PTCHD4: variants seen among roughly 807,000 people sequenced by gnomAD.
PTCHD4 encodes patched domain-containing protein 4.
In PTCHD4, 33 loss-of-function variants were observed where a neutral mutation model predicts 58.1. The observed-to-expected ratio is 0.57, with a 90% CI of 0.43 to 0.76. The LOEUF (loss-of-function observed/expected upper bound fraction) is 0.76, where lower values mean the gene tolerates loss of function less well. Among genes scored for constraint, PTCHD4 ranks in the 30% least tolerant of loss-of-function variants. PTCHD4 has a pLI of 0.00. For synonymous variants in PTCHD4, 478 were observed against 409.6 expected, an observed-to-expected ratio of 1.17 and a Z score of -2.02; for missense variants, 1,058 against 1,027.1, an observed-to-expected ratio of 1.03 and a Z score of -0.41.
intron 4 of PTCHD4, chr6:47,901,617 T>C (rs1429948130): frequency 1.9e-5 from 20 of 1,068,274 alleles, no homozygotes; most frequent in Non-Finnish European, 2.3e-5. Context: ...AGGTGGGAGA[T>C]AGAAAAGACA....
intron 4 of PTCHD4, among the ~76,000 whole-genome samples, chr6:47,972,245 T>C (rs897687321): frequency 1.3e-5 from 2 of 152,166 alleles, no homozygotes; most frequent in African/African-American, 4.8e-5. Flanking sequence ...TAATTGTATA[T>C]GAATTTACTG....
At chr6:48,032,289 G>A (rs947199512) in intron 3 of PTCHD4, among the ~76,000 whole-genome samples, 16 of 152,100 alleles carry the variant, frequency 1.1e-4, no homozygotes, top group African/African-American at 3.4e-4. Context: ...TAAAAAGAGT[G>A]GTGTTAGATT....
In PTCHD4 at chr6:48,069,157, G is replaced by T. The variant is rs1163670462; in HGVS notation, c.-200C>A. Among the ~76,000 whole-genome samples the T allele has an allele frequency of 7.3e-6, 1 of 136,162 alleles. No individual in the cohort carries two copies. Among genetic ancestry groups the T allele is most frequent in the East Asian group, 2.4e-4 (1 of 4,192 alleles). 89.3% of individuals were successfully genotyped at this position (136,162 alleles called of 152,430 possible). A position where few individuals can be genotyped will look rare whatever the true frequency, so the allele number is the denominator to read the frequency against. On this transcript the variant is annotated 5_prime_UTR_variant, in exon 2 of 5. Coordinates refer to ENST00000339488, the MANE Select transcript of PTCHD4 (RefSeq NM_001384253.1). Reference sequence around the variant, plus strand: ...CCCCATAAAGGGGGGGGGGGCTGAGGGGGGGAGAGGAGGGAGAAGGGCGGG... The same window carrying T: ...CCCCATAAAGGGGGGGGGGGCTGAGTGGGGGAGAGGAGGGAGAAGGGCGGG...
In PTCHD4 at chr6:47,878,907, G is replaced by A. The variant is rs1035250765; in HGVS notation, c.1928C>T (p.Ser643Phe). The A allele has an allele frequency of 2.5e-6, 4 of 1,613,552 alleles. No individual in the cohort carries two copies. The highest frequency in any genetic ancestry group is 1.3e-5 in the African/African-American group (1 of 75,016). The part of the protein sequence containing the change: ...KSIRFIVFNP[S>F]FVFMDHYSLS... ...GCTGTAATGGTCCATGAAGACAAAG[G>A]AGGGGTTGAACACGATGAATCGGAT... Residue 643 changes from serine (S) to phenylalanine (F), a missense_variant, in exon 5 of 5, where the codon TCC becomes TTC. Physicochemically the swap from Ser to Phe is radical, Grantham distance 155. Coordinates refer to ENST00000339488, the MANE Select transcript of PTCHD4 (RefSeq NM_001384253.1).
At chr6:48,055,494 T>A (rs923082568) in intron 3 of PTCHD4, among the ~76,000 whole-genome samples, 2 of 152,136 alleles carry the variant, frequency 1.3e-5, no homozygotes, top group Non-Finnish European at 2.9e-5. Context: ...AAATATAAAT[T>A]TGAACACTGC....
intron 3 of PTCHD4, among the ~76,000 whole-genome samples, chr6:48,050,558 T>A (rs1346826986): frequency 1.3e-5 from 2 of 152,012 alleles, no homozygotes; most frequent in Admixed American, 6.6e-5. Flanking sequence ...CTCAGTTTTC[T>A]CACTGTAAAA....
rs1402756112 is a variant in PTCHD4, at chr6:47,864,731, T to C, written c.*13572A>G. 6.6e-6 allele frequency among the ~76,000 whole-genome samples: 1 copy of C among 151,998 alleles called. No individual in the cohort carries two copies. ...TCATATGGATTATTTTCACAGGTCATTTTAATGCTAATGTTAAAACCATGT... is the reference window on the plus strand; with the variant it reads ...TCATATGGATTATTTTCACAGGTCACTTTAATGCTAATGTTAAAACCATGT... On this transcript the variant is annotated 3_prime_UTR_variant, in exon 5 of 5. Transcript: ENST00000339488.
At position 48,006,775 on chromosome 6, in the gene PTCHD4, G is replaced by A. The variant is rs187866850; in HGVS notation, c.898+1859C>T. On this transcript the variant is annotated intron_variant, in intron 4 of 4. Transcript: ENST00000339488. ...CAAGGGCTGTTTTCTATTCATTAGT[G>A]AATCCATTGCACTTAAAACATCAGG... is the stretch of plus-strand genomic sequence containing the variant. 3.0e-3 allele frequency among the ~76,000 whole-genome samples: 453 copies of A among 152,296 alleles called. 4 individuals carry two copies. The highest frequency in any genetic ancestry group is 9.1e-3 in the African/African-American group (380 of 41,558).
intron 4 of PTCHD4, among the ~76,000 whole-genome samples, chr6:47,892,166 G>A (rs1015776748): frequency 6.6e-6 from 1 of 152,036 alleles, no homozygotes; most frequent in African/African-American, 2.4e-5. Flanking sequence ...CATTGCTTTA[G>A]GCAGAGAAGA....
chr6:47,878,397 T>C lies in PTCHD4; in HGVS notation c.2438A>G (p.His813Arg). 6 of 1,613,418 alleles carry C rather than the reference T, an allele frequency of 3.7e-6. No homozygotes were observed. The highest frequency in any genetic ancestry group is 1.1e-5 in the South Asian group (1 of 91,048). The change falls in exon 5 of 5, where the codon CAC (histidine) becomes CGC (arginine). Residue 813 changes from histidine (H) to arginine (R), a missense_variant. His to Arg is a conservative substitution (Grantham distance 29). Coordinates refer to ENST00000339488, the MANE Select transcript of PTCHD4 (RefSeq NM_001384253.1). ...CTTGGCACGTTTCTTTTTCTTGTGGTGCTTTTTGGAAGGGGGGAAAAACGT... is the reference window on the plus strand; with the variant it reads ...CTTGGCACGTTTCTTTTTCTTGTGGCGCTTTTTGGAAGGGGGGAAAAACGT... ...FLTFFPPSKK[H>R]HKKKKRAKRK...
intron 4 of PTCHD4, among the ~76,000 whole-genome samples, chr6:47,924,665 C>G (rs1016696750): frequency 1.3e-5 from 2 of 152,182 alleles, no homozygotes; most frequent in African/African-American, 4.8e-5. Context: ...CTCAAAAGAA[C>G]GGGTTCAAGA....
chr6:47,909,655 C>G (rs1032474092), intron 4 of PTCHD4, among the ~76,000 whole-genome samples: 70 of 152,160 alleles, frequency 4.6e-4, no homozygotes, highest in African/African-American at 1.5e-3. Context: ...ATTGCCTAGG[C>G]TGGCCTCAAA....
At position 47,970,270 on chromosome 6, in the gene PTCHD4, T is replaced by C. The variant is rs187260076; in HGVS notation, c.898+38364A>G. 5.2e-3 allele frequency among the ~76,000 whole-genome samples: 798 copies of C among 152,112 alleles called. 7 individuals carry two copies. Among genetic ancestry groups the C allele is most frequent in the African/African-American group, 0.017 (713 of 41,498 alleles). On this transcript the variant is annotated intron_variant, in intron 4 of 4. Transcript: ENST00000339488. ...TGTAGCTTTCAAAAAAATATAAACGTCATTAAAAAGAAAGTGGAAATAAGA... is the reference window on the plus strand; with the variant it reads ...TGTAGCTTTCAAAAAAATATAAACGCCATTAAAAAGAAAGTGGAAATAAGA...
chr6:48,052,958 G>A (rs1267246432), intron 3 of PTCHD4, among the ~76,000 whole-genome samples: 2 of 152,138 alleles, frequency 1.3e-5, no homozygotes, highest in East Asian at 1.9e-4. Context: ...ACTGACCCAA[G>A]AAGGGCACTT....
chr6:47,929,609 G>T (rs1310069723), intron 4 of PTCHD4, among the ~76,000 whole-genome samples: 1 of 152,200 alleles, frequency 6.6e-6, no homozygotes, highest in Non-Finnish European at 1.5e-5. Context: ...TGCCATATAT[G>T]TCTATAGATG....
chr6:48,016,146 C>A (rs1034813225), intron 3 of PTCHD4, among the ~76,000 whole-genome samples: 4 of 151,840 alleles, frequency 2.6e-5, no homozygotes, highest in African/African-American at 9.7e-5. Flanking sequence ...AGTCAACAGA[C>A]AGGGGGACTT....
chr6:47,941,722 G>C (rs1166459945), intron 4 of PTCHD4, among the ~76,000 whole-genome samples: 7 of 152,194 alleles, frequency 4.6e-5, no homozygotes, highest in Admixed American at 4.6e-4. Flanking sequence ...TGAAGTTAAT[G>C]ATAGTACCTA....
At chr6:47,989,799 G>A (rs1200521031) in intron 4 of PTCHD4, among the ~76,000 whole-genome samples, 1 of 152,238 alleles carries the variant, frequency 6.6e-6, no homozygotes, top group East Asian at 1.9e-4. Context: ...GATTGGAAAT[G>A]TGGGGTCGGA....
At chr6:48,109,405 T>A (rs1246111612) in intron 1 of PTCHD4, among the ~76,000 whole-genome samples, 1 of 152,134 alleles carries the variant, frequency 6.6e-6, no homozygotes, top group Non-Finnish European at 1.5e-5. Flanking sequence ...AGTATTTATC[T>A]TAAGACGACA....
Sources: allele counts gnomAD v4.1 joint callset (sites outside exome capture counted in the v4.1 genomes callset), GRCh38; gene constraint gnomAD v4.1.1; transcripts MANE v1.5; gene names NCBI Gene and HGNC (gene_info 2026-07-23, HGNC 2026-07-21).